GLRA1: variants seen among roughly 807,000 people sequenced by gnomAD.
GLRA1 encodes the protein glycine receptor subunit alpha-1.
GLRA1 carries 37 observed loss-of-function variants against 48.3 expected under a neutral mutation model. That is an observed-to-expected ratio of 0.77 (90% CI 0.59 to 1.01). The LOEUF (loss-of-function observed/expected upper bound fraction) is 1.01. Ranked by LOEUF, GLRA1 falls within the 50% of genes least tolerant of loss-of-function variation. GLRA1 has a pLI of 0.00. For missense variants in GLRA1, 427 were observed against 571.0 expected (o/e 0.75, Z 2.57); for synonymous variants, 196 against 210.7 (o/e 0.93, Z 0.60).
intron 8 of GLRA1, among the ~76,000 whole-genome samples, chr5:151,828,337 ATTC>A (rs1763332850): frequency 6.6e-6 from 1 of 152,168 alleles, no homozygotes; most frequent in Non-Finnish European, 1.5e-5. Flanking sequence ...CCCCATTGGC[ATTC>A]TTTGGTCAGT....
chr5:151,864,946 A>C (rs1753293235), intron 3 of GLRA1, among the ~76,000 whole-genome samples: 1 of 152,194 alleles, frequency 6.6e-6, no homozygotes, highest in African/African-American at 2.4e-5. Flanking sequence ...ACTGAGACCC[A>C]GAGGGGAAAG....
chr5:151,887,453 T>A (rs1381064385), intron 2 of GLRA1, among the ~76,000 whole-genome samples: 1 of 152,238 alleles, frequency 6.6e-6, no homozygotes, highest in Non-Finnish European at 1.5e-5. Flanking sequence ...TGCCATTTAC[T>A]AAACATTACG....
chr5:151,890,825 G>A (rs1474168664), intron 2 of GLRA1, among the ~76,000 whole-genome samples: 1 of 152,184 alleles, frequency 6.6e-6, no homozygotes. Flanking sequence ...CCTTGTTATT[G>A]ACTTACCTAT....
intron 2 of GLRA1, among the ~76,000 whole-genome samples, chr5:151,890,514 G>A (rs752783981): frequency 6.6e-6 from 1 of 152,180 alleles, no homozygotes; most frequent in Non-Finnish European, 1.5e-5. Flanking sequence ...TCCTGGAAGT[G>A]TTTGATTTGG....
intron 7 of GLRA1, chr5:151,850,242 A>T (rs901141194): frequency 3.1e-6 from 5 of 1,604,694 alleles, no homozygotes; most frequent in Non-Finnish European, 4.3e-6. Flanking sequence ...TGGAGCCAAG[A>T]TGGTGGGTAC....
At chr5:151,850,982 T>C (rs1174272030) in intron 7 of GLRA1, among the ~76,000 whole-genome samples, 1 of 152,208 alleles carries the variant, frequency 6.6e-6, no homozygotes, top group Non-Finnish European at 1.5e-5. Flanking sequence ...TATGAATCTT[T>C]CTATCAAATC....
chr5:151,854,376 T>A (rs1188272611), intron 6 of GLRA1, among the ~76,000 whole-genome samples: 1 of 152,224 alleles, frequency 6.6e-6, no homozygotes, highest in Non-Finnish European at 1.5e-5. Flanking sequence ...CTCTACTCTG[T>A]GCATCTGGGT....
intron 7 of GLRA1, among the ~76,000 whole-genome samples, chr5:151,838,408 G>A (rs1340309573): frequency 6.6e-6 from 1 of 152,148 alleles, no homozygotes. Context: ...GGCAGAGATT[G>A]TAGTGAGCCG....
intron 3 of GLRA1, among the ~76,000 whole-genome samples, chr5:151,867,326 CA>C (rs1451888097): frequency 5.9e-5 from 9 of 152,046 alleles, no homozygotes; most frequent in Admixed American, 5.9e-4. Flanking sequence ...TCACCTGGAA[CA>C]AGGCCAGCGA....
rs115396730 is a variant in GLRA1 at position 151,902,084 on chromosome 5, G to A, written c.57-9646C>T. Among the ~76,000 whole-genome samples, 1,328 of 152,194 alleles carry A rather than the reference G, an allele frequency of 8.7e-3. 19 individuals are homozygous for A. Among genetic ancestry groups the A allele is most frequent in the African/African-American group, 0.031 (1,276 of 41,516 alleles). The stretch of plus-strand genomic sequence containing the variant: ...TTATAACTGAGAATTTTGGAGCTCC[G>A]GGAATTGGAAAATATAGGTTGGGAA... On this transcript the variant is annotated intron_variant, in intron 1 of 8. Transcript: ENST00000274576.
chr5:151,876,239 C>T (rs1753626434), intron 3 of GLRA1, among the ~76,000 whole-genome samples: 1 of 152,146 alleles, frequency 6.6e-6, no homozygotes, highest in Non-Finnish European at 1.5e-5. Context: ...TTCTACTTGA[C>T]TTTTCTTTCC....
At chr5:151,912,557 C>G (rs1754643579) in intron 1 of GLRA1, among the ~76,000 whole-genome samples, 1 of 152,160 alleles carries the variant, frequency 6.6e-6, no homozygotes, top group Non-Finnish European at 1.5e-5. Flanking sequence ...CCATATCTAG[C>G]TCACATTCTC....
At chr5:151,886,034 C>T (rs536150938) in intron 3 of GLRA1, among the ~76,000 whole-genome samples, 99 of 151,984 alleles carry the variant, frequency 6.5e-4, no homozygotes, top group Non-Finnish European at 1.3e-3. Flanking sequence ...AGATCACTTC[C>T]TTAACATAAG....
chr5:151,898,998 T>C (rs75663334), intron 1 of GLRA1, among the ~76,000 whole-genome samples: 14,956 of 152,094 alleles, frequency 0.098, 995 homozygotes, highest in Non-Finnish European at 0.15. Context: ...GATAGACAAC[T>C]TGGAGAACCA....
intron 8 of GLRA1, among the ~76,000 whole-genome samples, chr5:151,824,187 G>A (rs1763215391): frequency 6.6e-6 from 1 of 151,436 alleles, no homozygotes. Flanking sequence ...TTGTAGAGAT[G>A]GGGGTCTCGC....
rs1753002272 is a variant in GLRA1, at chr5:151,855,024, TG to T, written c.697+15del. Reference sequence around the variant, plus strand: ...GTTGGGGGGTGGGATCTGAGGAGGGTGGCCCTTGTACCTACCTGTGTTGTAG... The same window carrying T: ...GTTGGGGGGTGGGATCTGAGGAGGGTGCCCTTGTACCTACCTGTGTTGTAG... On this transcript the variant is annotated intron_variant, in intron 6 of 8. Coordinates refer to ENST00000274576, the MANE Select transcript of GLRA1 (RefSeq NM_000171.4). 1 of 1,613,438 alleles carries T rather than the reference TG, an allele frequency of 6.2e-7. No individual in the cohort carries two copies. The highest frequency in any genetic ancestry group is 1.7e-5 in the Admixed American group (1 of 60,018).
At position 151,924,505 on chromosome 5, in the gene GLRA1, A is replaced by T. The variant is rs760969146; in HGVS notation, c.45T>A (p.Ile15=). 6.3e-7 allele frequency: 1 copy of T among 1,595,728 alleles called. No individual in the cohort carries two copies. Among genetic ancestry groups the T allele is most frequent in the South Asian group, 1.1e-5 (1 of 90,718 alleles). The change falls in exon 1 of 9, where the codon ATT becomes ATA. Residue 15 remains isoleucine, a synonymous_variant. Transcript: ENST00000274576. The part of the protein sequence containing the change: ...NTLRLYLWET[I]VFFSLAASKE... ...AGAAAATTGCATACCTGAAGAATAC[A>T]ATGGTCTCCCAAAGGTAGAGTCGAA...
chr5:151,857,390 T>A (rs951990212), intron 4 of GLRA1, among the ~76,000 whole-genome samples: 1 of 152,198 alleles, frequency 6.6e-6, no homozygotes, highest in African/African-American at 2.4e-5. Context: ...TCTGGAGACC[T>A]GTCTTTAGCA....
At chr5:151,854,927 T>G (rs915360305) in intron 6 of GLRA1, 113 bp downstream of exon 6, 1 of 1,215,004 alleles carries the variant, frequency 8.2e-7, no homozygotes, top group East Asian at 2.3e-5. Context: ...CCTATTCTCT[T>G]AACCACTAGG....
Sources: allele counts gnomAD v4.1 joint callset (sites outside exome capture counted in the v4.1 genomes callset), GRCh38; gene constraint gnomAD v4.1.1; transcripts MANE v1.5; gene names NCBI Gene and HGNC (gene_info 2026-07-23, HGNC 2026-07-21).